Variants in DPF3 observed in about 807,000 individuals in gnomAD.
The protein encoded by DPF3 is zinc finger protein DPF3.
A neutral mutation model predicts 56.8 loss-of-function variants in DPF3; 18 were observed. The observed-to-expected ratio is 0.32, with a 90% CI of 0.22 to 0.47. The LOEUF is 0.47. DPF3 is among the 20% of genes least tolerant of loss of function. The pLI is 1.00. For synonymous variants in DPF3, 188 were observed against 180.2 expected (o/e 1.04, Z -0.35); for missense variants, 403 against 488.8 (o/e 0.82, Z 1.65).
intron 4 of DPF3, among the ~76,000 whole-genome samples, chr14:72,730,939 C>A (rs1599391231): frequency 6.6e-6 from 1 of 152,058 alleles, no homozygotes; most frequent in African/African-American, 2.4e-5. Flanking sequence ...GAGGCTGAGG[C>A]AGGCGATCAC....
At chr14:72,693,243 G>T in intron 6 of DPF3, 30 bp from the exon 7 acceptor site, 1 of 1,611,548 alleles carries the variant, frequency 6.2e-7, no homozygotes, top group South Asian at 1.1e-5. Context: ...AAAAGGGAGA[G>T]ATACAAATAT....
chr14:72,850,110 C>T (rs1176690304), intron 1 of DPF3, among the ~76,000 whole-genome samples: 4 of 151,472 alleles, frequency 2.6e-5, no homozygotes, highest in Non-Finnish European at 4.4e-5. Context: ...CAGAGAGAAA[C>T]TCCATCTAAA....
intron 1 of DPF3, among the ~76,000 whole-genome samples, chr14:72,884,465 C>T (rs1886437757): frequency 6.6e-6 from 1 of 152,150 alleles, no homozygotes; most frequent in Admixed American, 6.5e-5. Flanking sequence ...ATAGTAACAC[C>T]TCACATTTGC....
intron 3 of DPF3, among the ~76,000 whole-genome samples, chr14:72,733,695 G>T (rs1889769523): frequency 6.6e-6 from 1 of 152,136 alleles, no homozygotes; most frequent in African/African-American, 2.4e-5. Context: ...GGTGAAGACG[G>T]AAAAGCATGG....
rs560154659 is a variant in DPF3, at chr14:72,827,578, C to T, written c.33-55685G>A. ...GCAACCTCCGCCTCCCAAGTTCAAG[C>T]GATTCTCCCTGTCTCAGCCTCCCAA... On this transcript the variant is annotated intron_variant, in intron 1 of 10. Coordinates refer to ENST00000556509, the MANE Select transcript of DPF3 (RefSeq NM_001280542.3). 1.1e-3 allele frequency among the ~76,000 whole-genome samples: 153 copies of T among 140,930 alleles called. 2 individuals carry two copies. Among genetic ancestry groups the T allele is most frequent in the South Asian group, 3.9e-3 (17 of 4,356 alleles). 92.5% of individuals were successfully genotyped at this position (140,930 alleles called of 152,430 possible).
chr14:72,687,827 T>C (rs193291605), intron 7 of DPF3, among the ~76,000 whole-genome samples: 37 of 152,150 alleles, frequency 2.4e-4, no homozygotes, highest in African/African-American at 8.9e-4. Flanking sequence ...AGACCCAGAC[T>C]GCTGGCCCCC....
intron 6 of DPF3, among the ~76,000 whole-genome samples, chr14:72,711,458 C>T (rs1325672328): frequency 6.6e-6 from 1 of 152,124 alleles, no homozygotes; most frequent in Non-Finnish European, 1.5e-5. Flanking sequence ...GACACCGAGG[C>T]TGGGACAGGC....
intron 1 of DPF3, among the ~76,000 whole-genome samples, chr14:72,851,890 AC>A (rs1884997569): frequency 6.6e-6 from 1 of 152,240 alleles, no homozygotes; most frequent in Admixed American, 6.5e-5. Context: ...CAGGCCCGCC[AC>A]CAGCTGGAAC....
chr14:72,858,091 G>A (rs1488828653), intron 1 of DPF3, among the ~76,000 whole-genome samples: 1 of 151,982 alleles, frequency 6.6e-6, no homozygotes, highest in Non-Finnish European at 1.5e-5. Flanking sequence ...GATTACTTGA[G>A]GCCAGGAGTT....
chr14:72,753,222 C>A (rs1368838956), intron 3 of DPF3, 42 bp downstream of exon 3: 1 of 1,591,698 alleles, frequency 6.3e-7, no homozygotes, highest in African/African-American at 1.3e-5. Flanking sequence ...GTCCTCCCAC[C>A]TTTCCCATCA....
intron 1 of DPF3, among the ~76,000 whole-genome samples, chr14:72,893,690 C>A (rs1052958124): frequency 5.3e-5 from 8 of 151,904 alleles, no homozygotes; most frequent in Admixed American, 1.3e-4. Flanking sequence ...GCCCCCGAAG[C>A]CGCGCTCCCT....
At chr14:72,713,537 C>T (rs551979316) in intron 6 of DPF3, among the ~76,000 whole-genome samples, 8 of 152,344 alleles carry the variant, frequency 5.3e-5, no homozygotes, top group South Asian at 2.1e-4. Flanking sequence ...CTGCCATCCT[C>T]GCTGCAGCCT....
At chr14:72,799,485 T>C (rs1892778753) in intron 1 of DPF3, among the ~76,000 whole-genome samples, 1 of 152,088 alleles carries the variant, frequency 6.6e-6, no homozygotes, top group Admixed American at 6.6e-5. Context: ...GGTAACATAG[T>C]GAGACCTTGT....
chr14:72,826,319 T>C (rs1883798864), intron 1 of DPF3, among the ~76,000 whole-genome samples: 1 of 152,190 alleles, frequency 6.6e-6, no homozygotes, highest in Non-Finnish European at 1.5e-5. Flanking sequence ...GACCAGCCTT[T>C]GTAATAAAGT....
intron 8 of DPF3, among the ~76,000 whole-genome samples, chr14:72,672,054 C>CACACGG (rs1886705350): frequency 8.3e-6 from 1 of 120,060 alleles, no homozygotes; most frequent in African/African-American, 3.4e-5. Context: ...CACACACACA[C>CACACGG]ACACAGACAC....
chr14:72,844,845 AG>A (rs1884685861), intron 1 of DPF3, among the ~76,000 whole-genome samples: 1 of 152,214 alleles, frequency 6.6e-6, no homozygotes, highest in Non-Finnish European at 1.5e-5. Flanking sequence ...CCATGGAACC[AG>A]GTATGGTGGC....
intron 5 of DPF3, among the ~76,000 whole-genome samples, chr14:72,717,813 A>G (rs148653203): frequency 6.6e-6 from 1 of 152,284 alleles, no homozygotes; most frequent in Non-Finnish European, 1.5e-5. Flanking sequence ...GAAAGCTTTG[A>G]AGGTGACCAG....
chr14:72,671,041 G>C (rs1886650132), intron 8 of DPF3: 1 of 1,510,984 alleles, frequency 6.6e-7, no homozygotes, highest in African/African-American at 1.4e-5. Flanking sequence ...AAAATCTAAA[G>C]TTGCCTTTCA....
chr14:72,650,873 C>A (rs1285824091), intron 8 of DPF3, among the ~76,000 whole-genome samples: 1 of 152,160 alleles, frequency 6.6e-6, no homozygotes, highest in Non-Finnish European at 1.5e-5. Flanking sequence ...GGGAACACTG[C>A]CTGAAACTTC....
Sources: allele counts gnomAD v4.1 joint callset (sites outside exome capture counted in the v4.1 genomes callset), GRCh38; gene constraint gnomAD v4.1.1; transcripts MANE v1.5; gene names NCBI Gene and HGNC (gene_info 2026-07-23, HGNC 2026-07-21).